ANKRD17: variants seen among roughly 807,000 people sequenced by gnomAD.
ANKRD17 encodes the protein ankyrin repeat domain-containing protein 17.
ANKRD17 carries 19 observed loss-of-function variants against 229.7 expected under a neutral mutation model. The observed-to-expected ratio is 0.08, with a 90% CI of 0.06 to 0.12. The LOEUF (loss-of-function observed/expected upper bound fraction) is 0.12. ANKRD17 is among the 10% of genes least tolerant of loss of function. The pLI, the probability that ANKRD17 is intolerant of heterozygous loss-of-function variation, is 1.00. For missense variants in ANKRD17, 2,176 were observed against 3,176.8 expected (o/e 0.68, Z 7.57); for synonymous variants, 1,112 against 1,146.1 (o/e 0.97, Z 0.60).
intron 1 of ANKRD17, among the ~76,000 whole-genome samples, chr4:73,228,223 A>G (rs1742695638): frequency 6.6e-6 from 1 of 152,180 alleles, no homozygotes; most frequent in South Asian, 2.1e-4. Flanking sequence ...ACAGAATTTA[A>G]GTTAAAAGGC....
chr4:73,258,551 C>T lies in ANKRD17; in HGVS notation c.118G>A (p.Gly40Ser). ...PAAAEVGGGVGGSSRARSASS... is the reference protein window; with the variant it reads ...PAAAEVGGGVSGSSRARSASS... ...GCCGAGCGAGCTCTGCTGCTGCCGC[C>T]AACGCCGCCGCCGACCTCCGCCGCC... Residue 40 changes from glycine (G) to serine (S), a missense_variant, in exon 1 of 34, where the codon GGC (glycine) becomes AGC (serine). Coordinates refer to ENST00000358602, the MANE Select transcript of ANKRD17 (RefSeq NM_032217.5). 1 of 1,476,614 alleles carries T rather than the reference C, an allele frequency of 6.8e-7. No individual in the cohort carries two copies. The highest frequency in any genetic ancestry group is 8.9e-7 in the Non-Finnish European group (1 of 1,123,388). 91.5% of individuals were successfully genotyped at this position (1,476,614 alleles called of 1,614,324 possible).
chr4:73,196,004 CTTTTTTTTTTT>C lies in ANKRD17; in HGVS notation c.394-18482_394-18472del, dbSNP rs752128086. ...ATGATTCTTTCGAAGAACCATGTTT[CTTTTTTTTTTT>C]TTTTTTTTTGAGATGGAGTCTCACT... On this transcript the variant is annotated intron_variant, in intron 1 of 33. Transcript: ENST00000358602. Among the ~76,000 whole-genome samples, 5 of 124,604 alleles carry C rather than the reference CTTTTTTTTTTT, an allele frequency of 4.0e-5. No individual in the cohort carries two copies. The South Asian group carries it at 1.1e-3, about 26-fold the overall frequency. 81.7% of individuals were successfully genotyped at this position (124,604 alleles called of 152,430 possible). A position where few individuals can be genotyped will look rare whatever the true frequency, so the allele number is the denominator to read the frequency against.
intron 24 of ANKRD17, among the ~76,000 whole-genome samples, chr4:73,108,759 G>A (rs998753479): frequency 1.1e-4 from 16 of 152,254 alleles, no homozygotes; most frequent in African/African-American, 3.4e-4. Context: ...GACTGAAAGC[G>A]GCGGTTCAGG....
At chr4:73,258,151 G>A in intron 1 of ANKRD17, 125 bp downstream of exon 1, 1 of 1,504,884 alleles carries the variant, frequency 6.6e-7, no homozygotes. Flanking sequence ...AAAGGGGGCA[G>A]TCGAAAGCCT....
chr4:73,104,357 T>A (rs1202261570), intron 24 of ANKRD17, among the ~76,000 whole-genome samples: 1 of 152,194 alleles, frequency 6.6e-6, no homozygotes, highest in African/African-American at 2.4e-5. Flanking sequence ...GCCTTGCTTA[T>A]GTGTTTTCTC....
At chr4:73,207,678 G>C (rs759978316) in intron 1 of ANKRD17, among the ~76,000 whole-genome samples, 1 of 152,128 alleles carries the variant, frequency 6.6e-6, no homozygotes, top group Non-Finnish European at 1.5e-5. Context: ...CAAAGCCAAA[G>C]AGAAATATTT....
chr4:73,108,249 CAGG>C (rs958634987), intron 24 of ANKRD17, among the ~76,000 whole-genome samples: 5 of 152,124 alleles, frequency 3.3e-5, no homozygotes, highest in South Asian at 2.1e-4. Flanking sequence ...GGGCAAGGAT[CAGG>C]AGTTCATATT....
chr4:73,115,762 G>C (rs1261914846), intron 23 of ANKRD17, 59 bp downstream of exon 23: 1 of 1,327,478 alleles, frequency 7.5e-7, no homozygotes, highest in Non-Finnish European at 1.1e-6. Flanking sequence ...GGAATTCTTA[G>C]AATGGAAGAT....
intron 27 of ANKRD17, among the ~76,000 whole-genome samples, chr4:73,095,619 A>C (rs1437899357): frequency 2.0e-5 from 3 of 151,864 alleles, no homozygotes; most frequent in Non-Finnish European, 2.9e-5. Flanking sequence ...AAAAAAAAAA[A>C]AGCAATATCC....
At chr4:73,228,521 C>T (rs774355553) in intron 1 of ANKRD17, among the ~76,000 whole-genome samples, 8 of 152,166 alleles carry the variant, frequency 5.3e-5, no homozygotes, top group Non-Finnish European at 1.2e-4. Flanking sequence ...ACCAAGCCAT[C>T]CTAAGAGACA....
chr4:73,186,076 TAAG>T (rs925691979), intron 1 of ANKRD17, among the ~76,000 whole-genome samples: 6 of 152,086 alleles, frequency 3.9e-5, no homozygotes, highest in East Asian at 3.9e-4. Flanking sequence ...AAATAAGAAA[TAAG>T]AAGTATTCAT....
intron 1 of ANKRD17, among the ~76,000 whole-genome samples, chr4:73,218,454 C>A (rs576264627): frequency 3.9e-5 from 6 of 152,082 alleles, no homozygotes; most frequent in Admixed American, 2.0e-4. Flanking sequence ...ACCAGCCTGG[C>A]CAACATGGAG....
At chr4:73,101,587 C>T (rs1157901875) in intron 25 of ANKRD17, among the ~76,000 whole-genome samples, 1 of 147,142 alleles carries the variant, frequency 6.8e-6, no homozygotes, top group African/African-American at 2.5e-5. Flanking sequence ...ATAGCTTGAA[C>T]CCGGGAAACG....
At chr4:73,106,815 G>T (rs746753201) in intron 24 of ANKRD17, among the ~76,000 whole-genome samples, 15 of 149,980 alleles carry the variant, frequency 1.0e-4, no homozygotes, top group Non-Finnish European at 1.8e-4. Flanking sequence ...GGAGGCGGAG[G>T]TTGCAGTGAG....
intron 1 of ANKRD17, among the ~76,000 whole-genome samples, chr4:73,247,294 C>A (rs192244901): frequency 6.6e-6 from 1 of 152,140 alleles, no homozygotes; most frequent in Admixed American, 6.5e-5. Context: ...TCATACACTG[C>A]TGATGCAAGC....
At chr4:73,198,651 G>A (rs542964199) in intron 1 of ANKRD17, among the ~76,000 whole-genome samples, 1 of 152,066 alleles carries the variant, frequency 6.6e-6, no homozygotes, top group East Asian at 1.9e-4. Context: ...AGAGCAAAAA[G>A]AAAAAAATTA....
intron 30 of ANKRD17, 40 bp downstream of exon 30, chr4:73,085,209 A>T: frequency 1.9e-6 from 3 of 1,586,726 alleles, no homozygotes; most frequent in Admixed American, 1.7e-5. Flanking sequence ...TTAAGAAAAC[A>T]TATGCAGATT....
rs182725079 is a variant in ANKRD17, at chr4:73,203,220, C to T, written c.394-25687G>A. 5.9e-5 allele frequency among the ~76,000 whole-genome samples: 9 copies of T among 152,262 alleles called. 1 individual carries two copies. The highest frequency in any genetic ancestry group is 5.2e-4 in the Admixed American group (8 of 15,292). ...TACAGCTCCCCAACACTTCTTTTCC[C>T]AGTTTTCCCTTTCCCAGTTTTCTGC... On this transcript the variant is annotated intron_variant, in intron 1 of 33. Transcript: ENST00000358602.
intron 1 of ANKRD17, among the ~76,000 whole-genome samples, chr4:73,237,547 T>A (rs1202109348): frequency 1.3e-5 from 2 of 151,790 alleles, no homozygotes; most frequent in Non-Finnish European, 2.9e-5. Context: ...GGATGCAGAG[T>A]AAGAAAAGGA....
Sources: allele counts gnomAD v4.1 joint callset (sites outside exome capture counted in the v4.1 genomes callset), GRCh38; gene constraint gnomAD v4.1.1; transcripts MANE v1.5; gene names NCBI Gene and HGNC (gene_info 2026-07-23, HGNC 2026-07-21).